The following ATG4C variants were observed in gnomAD, a reference collection of about 807,000 sequenced individuals.
The protein encoded by ATG4C is autophagy related 4C cysteine peptidase, also known as cysteine protease ATG4C.
ATG4C carries 56 observed loss-of-function variants against 57.6 expected under a neutral mutation model. The observed-to-expected ratio is 0.97, with a 90% CI of 0.78 to 1.21. ATG4C has a LOEUF of 1.21. Ranked by LOEUF, ATG4C falls within the 50% of genes most tolerant of loss-of-function variation. The probability of loss-of-function intolerance (pLI) is 0.00; values close to 1 mark genes in which losing one functional copy is unlikely to be tolerated. For missense variants in ATG4C, 595 were observed against 529.8 expected (o/e 1.12, Z -1.21); for synonymous variants, 157 against 174.1 (o/e 0.90, Z 0.78).
chr1:62,801,838 G>C (rs1205849364), intron 1 of ATG4C, among the ~76,000 whole-genome samples: 4 of 150,434 alleles, frequency 2.7e-5, no homozygotes, highest in Admixed American at 2.6e-4. Context: ...GGCGCCTGGA[G>C]TCCCAGTTAC....
chr1:62,853,926 C>T (rs1021599170), intron 10 of ATG4C, among the ~76,000 whole-genome samples: 5 of 152,082 alleles, frequency 3.3e-5, no homozygotes, highest in African/African-American at 9.7e-5. Context: ...TTTGGACCTT[C>T]TGAATTGCTC....
intron 1 of ATG4C, among the ~76,000 whole-genome samples, chr1:62,798,311 T>C (rs1664540920): frequency 6.6e-6 from 1 of 152,248 alleles, no homozygotes; most frequent in South Asian, 2.1e-4. Context: ...ATTTATTAAA[T>C]TAGCCATCTT....
rs763039923 is a variant in ATG4C, at chr1:62,819,306, T to C, written c.696T>C (p.Tyr232=). The change falls in exon 5 of 11, where the codon TAT becomes TAC. Residue 232 remains tyrosine, a synonymous_variant. Coordinates refer to ENST00000317868, the MANE Select transcript of ATG4C (RefSeq NM_032852.4). The part of the protein sequence containing the change: ...KKSGKKAGDW[Y]GPAVVAHILR... ...CTGGGAAAAAAGCAGGAGATTGGTA[T>C]GGACCAGCTGTGGTTGCTCACATTT... The C allele has an allele frequency of 6.9e-6, 11 of 1,597,388 alleles. No individual in the cohort carries two copies. The highest frequency in any genetic ancestry group is 9.4e-6 in the Non-Finnish European group (11 of 1,174,964).
intron 10 of ATG4C, among the ~76,000 whole-genome samples, chr1:62,845,211 G>A (rs559166285): frequency 3.3e-5 from 5 of 151,728 alleles, no homozygotes; most frequent in African/African-American, 9.7e-5. Flanking sequence ...GAGTGATCAT[G>A]CCAACCAGTA....
In ATG4C at chr1:62,835,466, T is replaced by C. The variant is rs1408702826; in HGVS notation, c.1089+614T>C. The C allele has an allele frequency of 1.8e-5, 5 of 275,708 alleles. No homozygotes were observed. The Admixed American group carries it at 2.5e-4, about 14-fold the overall frequency. 17.1% of individuals were successfully genotyped at this position (275,708 alleles called of 1,614,324 possible). ...ACATGTAATTATTACATGGTTTTGA[T>C]TGTTTTCCCAGTTGGTGCTTTTACA... On this transcript the variant is annotated intron_variant, in intron 9 of 10. Coordinates refer to ENST00000317868, the MANE Select transcript of ATG4C (RefSeq NM_032852.4).
At chr1:62,796,717 A>G (rs1301685578) in intron 1 of ATG4C, among the ~76,000 whole-genome samples, 1 of 152,228 alleles carries the variant, frequency 6.6e-6, no homozygotes, top group Non-Finnish European at 1.5e-5. Flanking sequence ...ACTTTTGAAT[A>G]ATATTGATGT....
intron 1 of ATG4C, among the ~76,000 whole-genome samples, chr1:62,795,433 T>G (rs1409519777): frequency 6.6e-6 from 1 of 152,234 alleles, no homozygotes; most frequent in Non-Finnish European, 1.5e-5. Flanking sequence ...GAATTCTGCT[T>G]AGTCTTCACT....
At chr1:62,808,867 T>C (rs11208035) in intron 3 of ATG4C, among the ~76,000 whole-genome samples, 75,684 of 152,082 alleles carry the variant, frequency 0.5, 19,437 homozygotes, top group East Asian at 0.67. Context: ...CTACATGATA[T>C]GTGCTAAAAC....
chr1:62,858,049 A>G (rs985682802), intron 10 of ATG4C, among the ~76,000 whole-genome samples: 31 of 152,290 alleles, frequency 2.0e-4, no homozygotes, highest in African/African-American at 7.2e-4. Context: ...CAACAGTCCT[A>G]TTTGATTCAG....
chr1:62,823,834 T>C (rs889160142), intron 6 of ATG4C, among the ~76,000 whole-genome samples: 6 of 152,148 alleles, frequency 3.9e-5, no homozygotes, highest in African/African-American at 2.4e-5. Flanking sequence ...GAATGCCTCT[T>C]GTTAGGTCTT....
At chr1:62,829,315 G>A in intron 7 of ATG4C, 139 bp downstream of exon 7, 2 of 1,002,704 alleles carry the variant, frequency 2.0e-6, no homozygotes, top group Non-Finnish European at 2.9e-6. Flanking sequence ...TGACATTAGA[G>A]ATTTTAAATT....
intron 10 of ATG4C, among the ~76,000 whole-genome samples, chr1:62,853,249 T>G (rs547895827): frequency 6.6e-6 from 1 of 152,284 alleles, no homozygotes; most frequent in African/African-American, 2.4e-5. Flanking sequence ...CTCTGAGAGC[T>G]TTCAGGTTGG....
intron 6 of ATG4C, among the ~76,000 whole-genome samples, chr1:62,824,463 T>C (rs1237438500): frequency 6.6e-6 from 1 of 152,148 alleles, no homozygotes; most frequent in East Asian, 1.9e-4. Flanking sequence ...ATTCGGCTCT[T>C]CTGGGAAGAT....
Position 62,859,865 on chromosome 1 carries a change from T to C in ATG4C, c.1210-4127T>C, listed in dbSNP as rs539138955. On this transcript the variant is annotated intron_variant, in intron 10 of 10. Transcript: ENST00000317868. Reference sequence around the variant, plus strand: ...GCCCACCACCACACCTGGCTAATTTTTGTATTTTTAGTAGAGATGGGGTTT... The same window carrying C: ...GCCCACCACCACACCTGGCTAATTTCTGTATTTTTAGTAGAGATGGGGTTT... Among the ~76,000 whole-genome samples the C allele has an allele frequency of 2.0e-3, 298 of 152,256 alleles. 1 individual carries two copies. The highest frequency in any genetic ancestry group is 6.8e-3 in the African/African-American group (284 of 41,548).
At chr1:62,832,372 T>C (rs1409785305) in intron 7 of ATG4C, among the ~76,000 whole-genome samples, 2 of 152,118 alleles carry the variant, frequency 1.3e-5, no homozygotes, top group Non-Finnish European at 2.9e-5. Context: ...ATTTATTCTC[T>C]CACAGTTCTG....
At chr1:62,829,231 TAGA>T (rs1167475963) in intron 7 of ATG4C, 55 bp downstream of exon 7, 1 of 1,587,980 alleles carries the variant, frequency 6.3e-7, no homozygotes, top group Non-Finnish European at 8.6e-7. Flanking sequence ...ATGAAAAATA[TAGA>T]AGGTTTGCAA....
intron 10 of ATG4C, among the ~76,000 whole-genome samples, chr1:62,844,120 G>A (rs1666254646): frequency 1.3e-5 from 2 of 150,880 alleles, no homozygotes; most frequent in African/African-American, 4.9e-5. Flanking sequence ...AACTTGGTAG[G>A]TGCCAAGGCT....
intron 9 of ATG4C, 62 bp from the exon 10 acceptor site, chr1:62,841,366 T>C (rs1666160189): frequency 2.9e-5 from 39 of 1,354,496 alleles, no homozygotes; most frequent in Non-Finnish European, 3.5e-5. Flanking sequence ...TTTTAAATAA[T>C]AGTTTTATAT....
intron 10 of ATG4C, among the ~76,000 whole-genome samples, chr1:62,852,954 TC>T (rs1428640101): frequency 6.6e-6 from 1 of 152,178 alleles, no homozygotes; most frequent in African/African-American, 2.4e-5. Context: ...GTATTTGATC[TC>T]CTATATTCTG....
Sources: allele counts gnomAD v4.1 joint callset (sites outside exome capture counted in the v4.1 genomes callset), GRCh38; gene constraint gnomAD v4.1.1; transcripts MANE v1.5; gene names NCBI Gene and HGNC (gene_info 2026-07-23, HGNC 2026-07-21).